KIF1A: variants seen among roughly 807,000 people sequenced by gnomAD.
KIF1A encodes kinesin family member 1A, also known as kinesin-like protein KIF1A.
KIF1A carries 46 observed loss-of-function variants against 227.3 expected under a neutral mutation model. The observed-to-expected ratio is 0.20, with a 90% CI of 0.16 to 0.26. The LOEUF (loss-of-function observed/expected upper bound fraction) is 0.26. Ranked by LOEUF, KIF1A falls within the 10% of genes least tolerant of loss-of-function variation. KIF1A has a pLI of 1.00. For missense variants in KIF1A, 1,683 were observed against 2,485.9 expected (o/e 0.68, Z 6.87); for synonymous variants, 1,022 against 1,012.8 (o/e 1.01, Z -0.17).
intron 1 of KIF1A, among the ~76,000 whole-genome samples, chr2:240,816,337 T>C (rs1281286756): frequency 6.6e-6 from 1 of 151,984 alleles, no homozygotes; most frequent in African/African-American, 2.4e-5. Flanking sequence ...TGCATGTGTG[T>C]GTCAGTGTGT....
At chr2:240,780,501 AC>A (rs1012070854) in intron 10 of KIF1A, among the ~76,000 whole-genome samples, 4 of 151,782 alleles carry the variant, frequency 2.6e-5, no homozygotes, top group African/African-American at 9.7e-5. Context: ...AATTCCTCAC[AC>A]GGTTTCTCAC....
chr2:240,772,356 G>C lies in KIF1A; in HGVS notation c.1207+214C>G, dbSNP rs766760181. Among the ~76,000 whole-genome samples the C allele has an allele frequency of 2.0e-5, 3 of 152,166 alleles. No homozygotes were observed. The East Asian group carries it at 5.8e-4, about 29-fold the overall frequency. On this transcript the variant is annotated intron_variant, in intron 14 of 48. Coordinates refer to ENST00000498729, the MANE Select transcript of KIF1A (RefSeq NM_001244008.2). ...TCATGTAGACCATATGGGTGGGAAG[G>C]AGCCAGGAGTGTGGGCTCAGAGGCA...
At chr2:240,798,549 C>A (rs551190858) in intron 1 of KIF1A, among the ~76,000 whole-genome samples, 6 of 152,230 alleles carry the variant, frequency 3.9e-5, no homozygotes, top group African/African-American at 9.6e-5. Flanking sequence ...GTGACAGCTT[C>A]CTGGGCCCCA....
At chr2:240,783,132 G>A (rs568032258) in intron 8 of KIF1A, 23 bp from the exon 9 acceptor site, 2 of 1,605,212 alleles carry the variant, frequency 1.2e-6, no homozygotes, top group East Asian at 2.2e-5. Context: ...AAGACAGTGG[G>A]GTTGGGATGC....
At chr2:240,768,232 G>A (rs1252200757) in intron 17 of KIF1A, among the ~76,000 whole-genome samples, 2 of 152,214 alleles carry the variant, frequency 1.3e-5, no homozygotes, top group East Asian at 3.9e-4. Flanking sequence ...GGAAGGGGAT[G>A]GGGTCTGAAA....
Position 240,769,258 on chromosome 2 carries a change from C to T in KIF1A, c.1422-50G>A, listed in dbSNP as rs2288753. 421,054 of 1,528,638 alleles carry T rather than the reference C, an allele frequency of 0.28. 59,909 individuals are homozygous for T. The highest frequency in any genetic ancestry group is 0.56 in the East Asian group (23,511 of 42,184). The allele number at this position is 1,528,638 out of a possible 1,614,324, so 94.7% of individuals were successfully genotyped here. A position where few individuals can be genotyped will look rare whatever the true frequency, so the allele number is the denominator to read the frequency against. On this transcript the variant is annotated intron_variant, in intron 16 of 48. Transcript: ENST00000498729. ...CACAAGCTCCACAAGGCTTCCAGCA[C>T]TGGCCTCAGCCCTGGCTGACCAATG...
chr2:240,787,550 CT>C (rs2055101491), intron 4 of KIF1A, among the ~76,000 whole-genome samples: 1 of 152,190 alleles, frequency 6.6e-6, no homozygotes, highest in African/African-American at 2.4e-5. Context: ...GCCCCTCCCC[CT>C]GGCTCTGCCA....
intron 9 of KIF1A, 82 bp from the exon 10 acceptor site, chr2:240,782,689 G>C: frequency 7.1e-7 from 1 of 1,408,106 alleles, no homozygotes; most frequent in African/African-American, 1.4e-5. Context: ...AGGCGGCCCG[G>C]CTGCCTCGCC....
intron 10 of KIF1A, among the ~76,000 whole-genome samples, chr2:240,780,100 G>A (rs560210040): frequency 1.3e-5 from 2 of 151,390 alleles, no homozygotes; most frequent in East Asian, 3.9e-4. Context: ...CCGAGTTCCC[G>A]CACGCTTCCC....
At chr2:240,744,646 G>A (rs1446259662) in intron 32 of KIF1A, among the ~76,000 whole-genome samples, 1 of 152,194 alleles carries the variant, frequency 6.6e-6, no homozygotes, top group Non-Finnish European at 1.5e-5. Context: ...AGAGGCGGCT[G>A]TTCTATAAGC....
At position 240,723,537 on chromosome 2, in the gene KIF1A, C is replaced by T. The variant is rs1294960500; in HGVS notation, c.4340G>A (p.Arg1447Gln). 2 of 1,540,902 alleles carry T rather than the reference C, an allele frequency of 1.3e-6. No individual in the cohort carries two copies. Among genetic ancestry groups the T allele is most frequent in the Middle Eastern group, 2.2e-4 (1 of 4,612 alleles). ...GSPGMQRRRR[R>Q]VLDTSVAYVR... ...ATAGGCCACAGATGTGTCCAGGACT[C>T]GTCGGCGCCGGCGCTGCATCCCTGC... is the stretch of plus-strand genomic sequence containing the variant. The change falls in exon 42 of 49, where the codon CGA (arginine) becomes CAA (glutamine). Residue 1447 changes from arginine to glutamine, a missense_variant. Around this residue, in one of 12 missense-constraint regions of KIF1A, gnomAD observed 759 missense variants for 1,020.2 expected, o/e 0.74. Transcript: ENST00000498729.
chr2:240,762,994 G>C, intron 22 of KIF1A, 25 bp downstream of exon 22: 3 of 1,462,016 alleles, frequency 2.1e-6, no homozygotes, highest in Non-Finnish European at 2.7e-6. Flanking sequence ...GGGCTGGGCA[G>C]GGAGGGCGGG....
Position 240,734,357 on chromosome 2 carries a change from G to A in KIF1A, c.4007+2706C>T, listed in dbSNP as rs563062301. ...GCCAGCCAGCAGCGTGCGGGACACC[G>A]AGCCCATCCACAGGGCAGGGTGTGG... is the stretch of plus-strand genomic sequence containing the variant. On this transcript the variant is annotated intron_variant, in intron 38 of 48. Coordinates refer to ENST00000498729, the MANE Select transcript of KIF1A (RefSeq NM_001244008.2). Among the ~76,000 whole-genome samples the A allele has an allele frequency of 1.1e-4, 17 of 152,282 alleles. No homozygotes were observed. The East Asian group carries it at 1.4e-3, about 12-fold the overall frequency.
In KIF1A at chr2:240,763,268, G is replaced by A. The variant is rs370071963; in HGVS notation, c.1847C>T (p.Thr616Met). Residue 616 changes from threonine (T) to methionine (M), a missense_variant, in exon 21 of 49, where the codon ACG (threonine) becomes ATG (methionine). Physicochemically the swap from Thr to Met is moderately conservative, Grantham distance 81. Coordinates refer to ENST00000498729, the MANE Select transcript of KIF1A (RefSeq NM_001244008.2). ...PEQARQERERTPCAETPAEPV... is the reference protein window; with the variant it reads ...PEQARQERERMPCAETPAEPV... ...CTCAGCTGGCGTCTCCGCACAAGGC[G>A]TGCGCTCACGCTCCTGCCGGGCCTG... 93 of 1,611,244 alleles carry A rather than the reference G, an allele frequency of 5.8e-5. 1 individual carries two copies. The highest frequency in any genetic ancestry group is 5.0e-4 in the Middle Eastern group (3 of 6,056).
At chr2:240,742,891 GCT>G (rs2048153735) in intron 34 of KIF1A, 36 bp downstream of exon 34, 1 of 1,561,468 alleles carries the variant, frequency 6.4e-7, no homozygotes. Flanking sequence ...AGTGAGGGGA[GCT>G]CACTGCCCTG....
chr2:240,762,463 G>A (rs1048599333), intron 23 of KIF1A, among the ~76,000 whole-genome samples: 5 of 152,236 alleles, frequency 3.3e-5, no homozygotes, highest in Non-Finnish European at 7.3e-5. Flanking sequence ...ATGTGTGCAC[G>A]TGAATGTGTG....
At chr2:240,755,160 GT>G (rs2049690437) in intron 27 of KIF1A, among the ~76,000 whole-genome samples, 1 of 152,240 alleles carries the variant, frequency 6.6e-6, no homozygotes, top group African/African-American at 2.4e-5. Flanking sequence ...AGGTCACCTG[GT>G]GCCCCAGACC....
intron 2 of KIF1A, among the ~76,000 whole-genome samples, chr2:240,795,545 C>T (rs1384913750): frequency 1.3e-5 from 2 of 152,222 alleles, no homozygotes; most frequent in Non-Finnish European, 2.9e-5. Flanking sequence ...TCTGGGCCGG[C>T]GCAGCCTCAG....
intron 38 of KIF1A, among the ~76,000 whole-genome samples, chr2:240,730,503 C>A (rs1438738054): frequency 1.3e-5 from 2 of 152,208 alleles, no homozygotes; most frequent in Non-Finnish European, 2.9e-5. Context: ...CACGTGACAG[C>A]ACCCAAACCC....
Sources: gnomAD v4.1 joint callset for allele counts (sites outside exome capture counted in the v4.1 genomes callset) on GRCh38, gnomAD v4.1.1 for gene constraint, gnomAD v4.1.1 regional missense constraint, MANE v1.5 for transcripts, NCBI Gene and HGNC (gene_info 2026-07-23, HGNC 2026-07-21) for gene names.